GMNC: variants seen among roughly 807,000 people sequenced by gnomAD.
The protein encoded by GMNC is geminin coiled-coil domain containing.
A neutral mutation model predicts 33.6 loss-of-function variants in GMNC; 16 were observed. The observed-to-expected ratio is 0.48, with a 90% confidence interval of 0.32 to 0.72. The LOEUF (loss-of-function observed/expected upper bound fraction) is 0.72. Among genes scored for constraint, GMNC ranks in the 30% least tolerant of loss-of-function variants. The pLI is 0.03. For synonymous variants in GMNC, 156 were observed against 147.3 expected (o/e 1.06, Z -0.43); for missense variants, 393 against 388.9 (o/e 1.01, Z -0.09).
chr3:190,855,514 ATCT>A lies in GMNC; in HGVS notation c.783_785del (p.Glu261del), dbSNP rs1283038354. ...TTGAAAGTTGAGAAAGGATGTGGAA[ATCT>A]TCTCCATGAGTGGCAGTGCTGTGCA... is the stretch of plus-strand genomic sequence containing the variant. On this transcript the variant is annotated inframe_deletion, in exon 5 of 5. Coordinates refer to ENST00000442080, the MANE Select transcript of GMNC (RefSeq NM_001146686.3). The A allele has an allele frequency of 5.2e-6, 8 of 1,551,780 alleles. No homozygotes were observed. In the Admixed American group the frequency reaches 5.9e-5, roughly 11 times the overall value.
Position 190,859,502 on chromosome 3 carries a change from T to C in GMNC, c.179-486A>G, listed in dbSNP as rs529437370. Among the ~76,000 whole-genome samples the C allele has an allele frequency of 2.8e-4, 43 of 152,354 alleles. 1 individual carries two copies. The South Asian group carries it at 8.9e-3, about 32-fold the overall frequency. On this transcript the variant is annotated intron_variant, in intron 2 of 4. Coordinates refer to ENST00000442080, the MANE Select transcript of GMNC (RefSeq NM_001146686.3). Reference sequence around the variant, plus strand: ...TAGTTTCTCTGCCTGTCTGCCTGCCTGTTTTAATCTAACGGACTGTATTTA... The same window carrying C: ...TAGTTTCTCTGCCTGTCTGCCTGCCCGTTTTAATCTAACGGACTGTATTTA...
At chr3:190,850,571 T>C (rs1737617640), downstream of GMNC, among the ~76,000 whole-genome samples, 1 of 152,212 alleles carries the variant, frequency 6.6e-6, no homozygotes, top group Non-Finnish European at 1.5e-5. Flanking sequence ...GGGATTTCAA[T>C]ATGTAAGGCA....
chr3:190,859,370 C>T (rs1000186395), intron 2 of GMNC, among the ~76,000 whole-genome samples: 2 of 152,078 alleles, frequency 1.3e-5, no homozygotes, highest in African/African-American at 4.8e-5. Context: ...CTCGGCATAA[C>T]ATTGTAATTC....
downstream of GMNC, among the ~76,000 whole-genome samples, chr3:190,852,438 C>CT (rs1169833033): frequency 6.6e-6 from 1 of 151,998 alleles, no homozygotes; most frequent in Non-Finnish European, 1.5e-5. Flanking sequence ...TAGCAACAAC[C>CT]TTTTTTTCCA....
intron 1 of GMNC, 124 bp from the exon 2 acceptor site, chr3:190,860,982 G>A: frequency 3.0e-6 from 2 of 661,506 alleles, no homozygotes; most frequent in Non-Finnish European, 5.0e-6. Context: ...AAAAAAATCA[G>A]AAAAGGTGTT....
chr3:190,850,675 G>A (rs141913572), downstream of GMNC, among the ~76,000 whole-genome samples: 390 of 152,090 alleles, frequency 2.6e-3, 5 homozygotes, highest in African/African-American at 8.9e-3. Flanking sequence ...GTGTGTCCGC[G>A]AGCCTAATCT....
the GMNC span, among the ~76,000 whole-genome samples, chr3:190,846,137 G>A: frequency 6.6e-6 from 1 of 152,242 alleles, no homozygotes; most frequent in Middle Eastern, 3.4e-3. Context: ...GCTGAGGTGG[G>A]AGGATTTCTT....
intron 3 of GMNC, 110 bp from the exon 4 acceptor site, chr3:190,858,009 G>A (rs1479351650): frequency 5.8e-6 from 4 of 685,734 alleles, no homozygotes; most frequent in Non-Finnish European, 1.1e-5. Context: ...TTTGTTGTAT[G>A]AACACAAGCA....
chr3:190,858,081 C>T, intron 3 of GMNC, 182 bp from the exon 4 acceptor site: 1 of 582,608 alleles, frequency 1.7e-6, no homozygotes, highest in East Asian at 2.8e-5. Flanking sequence ...CCTAGTTGTT[C>T]AGCTTTGTGC....
intron 2 of GMNC, 129 bp from the exon 3 acceptor site, chr3:190,859,145 C>A: frequency 1.6e-6 from 1 of 616,474 alleles, no homozygotes; most frequent in Non-Finnish European, 2.8e-6. Context: ...TGCTGCCATA[C>A]AGGAAAACAA....
rs553955115 is a variant in GMNC, at chr3:190,861,473, T to C, written c.4-615A>G. Among the ~76,000 whole-genome samples the C allele has an allele frequency of 6.6e-6, 1 of 151,716 alleles. No individual in the cohort carries two copies. ...TGCCTATCATCTATCTATCTATCTA[T>C]CTATCTATCTATCTATCTATCTATC... On this transcript the variant is annotated intron_variant, in intron 1 of 4. Transcript: ENST00000442080. The surrounding 1 kb of genome is among the most constrained non-coding windows in gnomAD (Gnocchi z 5.1).
Sources: allele counts gnomAD v4.1 joint callset (sites outside exome capture counted in the v4.1 genomes callset), GRCh38; gene constraint gnomAD v4.1.1; non-coding constraint Gnocchi (gnomAD v3.1); transcripts MANE v1.5; gene names NCBI Gene and HGNC (gene_info 2026-07-23, HGNC 2026-07-21).